The following ARK2N variants were observed in gnomAD, a reference collection of about 807,000 sequenced individuals.
ARK2N encodes arkadia (RNF111) N-terminal like PKA signaling regulator 2N.
the ARK2N span, among the ~76,000 whole-genome samples, chr18:46,225,858 GTT>G: frequency 6.6e-6 from 1 of 152,144 alleles, no homozygotes; most frequent in South Asian, 2.1e-4. Flanking sequence ...TTTAGCTTGA[GTT>G]TTGTTATGTA....
the ARK2N span, among the ~76,000 whole-genome samples, chr18:46,238,627 A>G: frequency 6.6e-6 from 1 of 152,194 alleles, no homozygotes; most frequent in Non-Finnish European, 1.5e-5. Flanking sequence ...GATCGTCAGA[A>G]TTTCATATTG....
the ARK2N span, among the ~76,000 whole-genome samples, chr18:46,178,718 C>T: frequency 1.3e-5 from 2 of 152,058 alleles, no homozygotes; most frequent in Non-Finnish European, 1.5e-5. Context: ...CCCAGGAGAC[C>T]AGCCTGGGCA....
chr18:46,216,492 T>C, the ARK2N span: 1 of 1,614,108 alleles, frequency 6.2e-7, no homozygotes, highest in Non-Finnish European at 8.5e-7. This position sits in a 1 kb window ranked among gnomAD's most constrained non-coding sequence, Gnocchi z 4.3. Flanking sequence ...TGCAGGACAG[T>C]AGTACCAGTG....
chr18:46,178,531 G>A, the ARK2N span, among the ~76,000 whole-genome samples: 2 of 152,286 alleles, frequency 1.3e-5, no homozygotes, highest in South Asian at 2.1e-4. Flanking sequence ...GGCTGGTCTC[G>A]AACTCCTGAC....
At chr18:46,184,545 A>G in the ARK2N span, among the ~76,000 whole-genome samples, 5 of 152,118 alleles carry the variant, frequency 3.3e-5, no homozygotes, top group African/African-American at 1.2e-4. Context: ...AACATAGTGA[A>G]ACTCCGTCTC....
At chr18:46,211,428 A>G in the ARK2N span, among the ~76,000 whole-genome samples, 16 of 152,164 alleles carry the variant, frequency 1.1e-4, no homozygotes, top group African/African-American at 3.6e-4. Flanking sequence ...GGCTTGTTCC[A>G]CTGGTTTGAT....
chr18:46,194,474 T>TTG, the ARK2N span, among the ~76,000 whole-genome samples: 5 of 150,562 alleles, frequency 3.3e-5, no homozygotes, highest in East Asian at 3.9e-4. Context: ...TTGTTTTTTT[T>TTG]TTTGTTTGTT....
At chr18:46,249,470 G>C in the ARK2N span, among the ~76,000 whole-genome samples, 1 of 151,372 alleles carries the variant, frequency 6.6e-6, no homozygotes, top group Non-Finnish European at 1.5e-5. Flanking sequence ...CTGACCTCGT[G>C]ATCCACCCGC....
the ARK2N span, among the ~76,000 whole-genome samples, chr18:46,190,911 G>A: frequency 6.6e-6 from 1 of 152,180 alleles, no homozygotes; most frequent in Non-Finnish European, 1.5e-5. Context: ...GCTGTAGTGT[G>A]TGTGTATGCA....
chr18:46,177,279 G>C, the ARK2N span, among the ~76,000 whole-genome samples: 1 of 152,002 alleles, frequency 6.6e-6, no homozygotes, highest in African/African-American at 2.4e-5. Flanking sequence ...TAAGGGGCTG[G>C]GCACAGTGGC....
the ARK2N span, among the ~76,000 whole-genome samples, chr18:46,210,631 C>G: frequency 6.6e-6 from 1 of 152,050 alleles, no homozygotes; most frequent in Non-Finnish European, 1.5e-5. Flanking sequence ...CACTTTGGGC[C>G]AGGTATTGTG....
At chr18:46,203,293 G>C in the ARK2N span, among the ~76,000 whole-genome samples, 2 of 152,142 alleles carry the variant, frequency 1.3e-5, no homozygotes, top group Non-Finnish European at 2.9e-5. Context: ...TTATACAGTG[G>C]AATACTTTGC....
At chr18:46,206,315 G>C in the ARK2N span, among the ~76,000 whole-genome samples, 1 of 151,680 alleles carries the variant, frequency 6.6e-6, no homozygotes, top group African/African-American at 2.4e-5. Flanking sequence ...GGAACTCCTG[G>C]CCTTAAGAGA....
chr18:46,234,127 C>G, the ARK2N span, among the ~76,000 whole-genome samples: 1 of 152,008 alleles, frequency 6.6e-6, no homozygotes, highest in Non-Finnish European at 1.5e-5. Context: ...TTTCTATTTT[C>G]TTGATTGATA....
the ARK2N span, among the ~76,000 whole-genome samples, chr18:46,201,887 C>T: frequency 6.6e-6 from 1 of 151,690 alleles, no homozygotes; most frequent in African/African-American, 2.4e-5. Flanking sequence ...AAGCGATTCT[C>T]CTCCTTCAGC....
the ARK2N span, among the ~76,000 whole-genome samples, chr18:46,175,112 A>ACC: frequency 1.6e-4 from 22 of 133,508 alleles, no homozygotes; most frequent in African/African-American, 6.2e-4. Context: ...AAAATTGTCC[A>ACC]CCCCCCCGCC....
chr18:46,207,388 CTTTTTTTTT>C, the ARK2N span, among the ~76,000 whole-genome samples: 1 of 115,916 alleles, frequency 8.6e-6, no homozygotes, highest in Admixed American at 9.9e-5. Flanking sequence ...AGTTTCTATA[CTTTTTTTTT>C]TTTTTTTTTT....
At chr18:46,263,304 A>G in the ARK2N span, 5 of 515,690 alleles carry the variant, frequency 9.7e-6, no homozygotes, top group South Asian at 1.9e-4. Context: ...TAGGAAAATA[A>G]CATCACAGAG....
the ARK2N span, chr18:46,253,863 A>G: frequency 6.5e-7 from 1 of 1,543,700 alleles, no homozygotes; most frequent in Non-Finnish European, 8.8e-7. Context: ...TTTAAGTTAT[A>G]AATTCTATTT....
Sources: allele counts gnomAD v4.1 joint callset (sites outside exome capture counted in the v4.1 genomes callset), GRCh38; gene constraint gnomAD v4.1.1; non-coding constraint Gnocchi (gnomAD v3.1); transcripts MANE v1.5; gene names NCBI Gene and HGNC (gene_info 2026-07-23, HGNC 2026-07-21).